Variants in CYP8B1 observed in about 807,000 individuals in gnomAD.
CYP8B1 encodes 7-alpha-hydroxycholest-4-en-3-one 12-alpha-hydroxylase.
For synonymous variants in CYP8B1, 221 were observed against 251.2 expected (o/e 0.88, Z 1.14); for missense variants, 594 against 643.7 (o/e 0.92, Z 0.84).
Position 42,874,406 on chromosome 3 carries a change from G to C in CYP8B1, c.1411C>G (p.Pro471Ala). 1.2e-6 allele frequency: 2 copies of C among 1,614,136 alleles called. No homozygotes were observed. The highest frequency in any genetic ancestry group is 1.7e-6 in the Non-Finnish European group (2 of 1,180,012). ...CGCTGCGGGTCAACATGGGGTAGTG[G>C]TGTGTCAGGGTCCACCAACTCTAAG... ...FDLELVDPDT[P>A]LPHVDPQRWG... Residue 471 changes from proline (P) to alanine (A), a missense_variant, in exon 1 of 1, where the codon CCA (proline) becomes GCA (alanine). Pro to Ala is a conservative substitution (Grantham distance 27). Transcript: ENST00000316161.
In CYP8B1 at chr3:42,874,172, C is replaced by T; in HGVS notation, c.*139G>A. ...TGACTAGGCGGGGAGAGAGCGAGGA[C>T]AGGCAGAACAGAGGTAGGGGGTGCC... is the stretch of plus-strand genomic sequence containing the variant. On this transcript the variant is annotated 3_prime_UTR_variant, in exon 1 of 1. Coordinates refer to ENST00000316161, the MANE Select transcript of CYP8B1 (RefSeq NM_004391.3). 1.5e-6 allele frequency: 1 copy of T among 660,410 alleles called. No individual in the cohort carries two copies. Among genetic ancestry groups the T allele is most frequent in the Non-Finnish European group, 2.6e-6 (1 of 389,066 alleles). The allele number at this position is 660,410 out of a possible 1,614,324, so 40.9% of individuals were successfully genotyped here.
At position 42,874,354 on chromosome 3, in the gene CYP8B1, C is replaced by T. The variant is rs372472190; in HGVS notation, c.1463G>A (p.Ser488Asn). The T allele has an allele frequency of 4.2e-5, 67 of 1,614,090 alleles. No homozygotes were observed. In the East Asian group the frequency reaches 7.8e-4, roughly 19 times the overall value. The change falls in exon 1 of 1, where the codon AGC becomes AAC. Residue 488 changes from serine to asparagine, a missense_variant. By Grantham distance (46) the Ser-to-Asn change is conservative. Coordinates refer to ENST00000316161, the MANE Select transcript of CYP8B1 (RefSeq NM_004391.3). ...GCGGTAGCGGAAGCGCACATCGTGGCTGGGCTGCATGGTGCCAAAACCCCA... is the reference window on the plus strand; with the variant it reads ...GCGGTAGCGGAAGCGCACATCGTGGTTGGGCTGCATGGTGCCAAAACCCCA... ...QRWGFGTMQP[S>N]HDVRFRYRLH... is the part of the protein sequence containing the mutation.
At position 42,873,049 on chromosome 3, in the gene CYP8B1, G is replaced by A. The variant is rs531800757; in HGVS notation, c.*1262C>T. Reference sequence around the variant, plus strand: ...GTTGACAGCACCCTGAGGTGGGGGAGACATGGGCACTGAGGAGGGATCTTG... The same window carrying A: ...GTTGACAGCACCCTGAGGTGGGGGAAACATGGGCACTGAGGAGGGATCTTG... On this transcript the variant is annotated 3_prime_UTR_variant, in exon 1 of 1. Transcript: ENST00000316161. The A allele has an allele frequency of 6.6e-6, 1 of 152,320 alleles. No individual in the cohort carries two copies. The highest frequency in any genetic ancestry group is 2.4e-5 in the African/African-American group (1 of 41,554). 9.4% of individuals were successfully genotyped at this position (152,320 alleles called of 1,614,324 possible).
Position 42,875,106 on chromosome 3 carries a change from G to C in CYP8B1, c.711C>G (p.His237Gln), listed in dbSNP as rs748451545. The change falls in exon 1 of 1, where the codon CAC becomes CAG. Residue 237 changes from histidine to glutamine, a missense_variant. Physicochemically the swap from His to Gln is conservative, Grantham distance 24. Transcript: ENST00000316161. ...LEVGRLQRLF[H>Q]KMLSVSHSQE... ...GGCTGTGGCTCACGGAGAGCATCTTGTGAAAGAGACGCTGGAGTCGGCCCA... is the reference window on the plus strand; with the variant it reads ...GGCTGTGGCTCACGGAGAGCATCTTCTGAAAGAGACGCTGGAGTCGGCCCA... 6.2e-7 allele frequency: 1 copy of C among 1,613,630 alleles called. No individual in the cohort carries two copies. The highest frequency in any genetic ancestry group is 1.7e-5 in the Admixed American group (1 of 60,012).
chr3:42,873,301 A>G lies in CYP8B1; in HGVS notation c.*1010T>C, dbSNP rs1405460963. The stretch of plus-strand genomic sequence containing the variant: ...GAGGCAGAGGTTGTAGTGAGCCAAG[A>G]TCACACCACTGCACTGCAGCCTGGG... On this transcript the variant is annotated 3_prime_UTR_variant, in exon 1 of 1. Coordinates refer to ENST00000316161, the MANE Select transcript of CYP8B1 (RefSeq NM_004391.3). 2 of 151,922 alleles carry G rather than the reference A, an allele frequency of 1.3e-5. No individual in the cohort carries two copies. Among genetic ancestry groups the G allele is most frequent in the African/African-American group, 4.8e-5 (2 of 41,256 alleles). 9.4% of individuals were successfully genotyped at this position (151,922 alleles called of 1,614,324 possible).
chr3:42,874,777 G>A lies in CYP8B1; in HGVS notation c.1040C>T (p.Thr347Met), dbSNP rs765149827. The A allele has an allele frequency of 1.5e-5, 25 of 1,613,984 alleles. No individual in the cohort carries two copies. Among genetic ancestry groups the A allele is most frequent in the African/African-American group, 5.3e-5 (4 of 74,896 alleles). ...TPVLDSVVEE[T>M]LRLRAAPTLL... ...GGTGGGTGCAGCCCTCAGCCGCAGC[G>A]TCTCCTCCACCACGCTGTCTAGAAC... Residue 347 changes from threonine (T) to methionine (M), a missense_variant, in exon 1 of 1, where the codon ACG becomes ATG. Physicochemically the swap from Thr to Met is moderately conservative, Grantham distance 81. Transcript: ENST00000316161.
Position 42,875,275 on chromosome 3 carries a change from C to T in CYP8B1, c.542G>A (p.Gly181Asp), listed in dbSNP as rs1419738572. The T allele has an allele frequency of 5.0e-6, 8 of 1,602,752 alleles. No homozygotes were observed. The highest frequency in any genetic ancestry group is 5.1e-6 in the Non-Finnish European group (6 of 1,172,848). ...RFCYYILFTA[G>D]YLSLFGYTKD... The stretch of plus-strand genomic sequence containing the variant: ...CGTGTAGCCGAACAAGCTCAGGTAG[C>T]CAGCTGTGAACAAGATGTAATAGCA... The change falls in exon 1 of 1, where the codon GGC (glycine) becomes GAC (aspartate). Residue 181 changes from glycine (G) to aspartate (D), a missense_variant. Coordinates refer to ENST00000316161, the MANE Select transcript of CYP8B1 (RefSeq NM_004391.3).
rs1490114698 is a variant in CYP8B1 at position 42,874,751 on chromosome 3, G to T, written c.1066C>A (p.Leu356Ile). The T allele has an allele frequency of 6.2e-7, 1 of 1,614,006 alleles. No homozygotes were observed. The highest frequency in any genetic ancestry group is 8.5e-7 in the Non-Finnish European group (1 of 1,180,030). The change falls in exon 1 of 1, where the codon CTC (leucine) becomes ATC (isoleucine). Residue 356 changes from leucine to isoleucine, a missense_variant. Coordinates refer to ENST00000316161, the MANE Select transcript of CYP8B1 (RefSeq NM_004391.3). ...TAGTCTTCATGAACCAACCTGAGGA[G>T]GGTGGGTGCAGCCCTCAGCCGCAGC... ...ETLRLRAAPT[L>I]LRLVHEDYTL... is the part of the protein sequence containing the mutation.
Position 42,873,928 on chromosome 3 carries a change from G to T in CYP8B1, c.*383C>A. On this transcript the variant is annotated 3_prime_UTR_variant, in exon 1 of 1. Transcript: ENST00000316161. The stretch of plus-strand genomic sequence containing the variant: ...GATAAGTGTTGCTGAAAAAACTAAA[G>T]CAAGCTGGGAGAGTGGAGGCTGATG... 4.4e-6 allele frequency: 1 copy of T among 226,124 alleles called. No homozygotes were observed. Among genetic ancestry groups the T allele is most frequent in the Non-Finnish European group, 8.7e-6 (1 of 114,990 alleles). The allele number at this position is 226,124 out of a possible 1,614,324, so 14.0% of individuals were successfully genotyped here.
In CYP8B1 at chr3:42,874,308, A is replaced by G. The variant is rs769947294; in HGVS notation, c.*3T>C. ...GCCAGGTTTGCAGCTGGCTTGGCCA[A>G]GCTCACTCTGTAGGATGCAGGCGGT... is the stretch of plus-strand genomic sequence containing the variant. On this transcript the variant is annotated 3_prime_UTR_variant, in exon 1 of 1. Transcript: ENST00000316161. The G allele has an allele frequency of 1.8e-5, 29 of 1,612,764 alleles. No individual in the cohort carries two copies. The highest frequency in any genetic ancestry group is 2.5e-5 in the Non-Finnish European group (29 of 1,179,398).
At position 42,875,015 on chromosome 3, in the gene CYP8B1, G is replaced by A; in HGVS notation, c.802C>T (p.Pro268Ser). Reference protein sequence around the residue: ...MLQFLREQGVPSAMQDKFNFM... With the variant: ...MLQFLREQGVSSAMQDKFNFM... ...TTGAACTTGTCCTGCATAGCTGAGG[G>A]TACCCCCTGCTCCCTCAGAAACTGA... Residue 268 changes from proline to serine, a missense_variant, in exon 1 of 1, where the codon CCC (proline) becomes TCC (serine). Coordinates refer to ENST00000316161, the MANE Select transcript of CYP8B1 (RefSeq NM_004391.3). The A allele has an allele frequency of 7.4e-6, 12 of 1,613,838 alleles. No individual in the cohort carries two copies. The highest frequency in any genetic ancestry group is 1.0e-5 in the Non-Finnish European group (12 of 1,180,012).
rs201181314 is a variant in CYP8B1, at chr3:42,875,668, C to T, written c.149G>A (p.Arg50Gln). 2.0e-5 allele frequency: 30 copies of T among 1,492,314 alleles called. No homozygotes were observed. Among genetic ancestry groups the T allele is most frequent in the Middle Eastern group, 1.8e-4 (1 of 5,588 alleles). The allele number at this position is 1,492,314 out of a possible 1,614,324, so 92.4% of individuals were successfully genotyped here. The change falls in exon 1 of 1, where the codon CGG becomes CAG. Residue 50 changes from arginine to glutamine, a missense_variant. By Grantham distance (43) the Arg-to-Gln change is conservative. Coordinates refer to ENST00000316161, the MANE Select transcript of CYP8B1 (RefSeq NM_004391.3). ...VPWLGHAMAF[R>Q]KNMFEFLKRM... ...CTTCAGAAATTCAAACATATTCTTCCGGAAAGCCATGGCATGGCCAAGCCA... is the reference window on the plus strand; with the variant it reads ...CTTCAGAAATTCAAACATATTCTTCTGGAAAGCCATGGCATGGCCAAGCCA...
rs376808261 is a variant in CYP8B1, at chr3:42,874,347, A to T, written c.1470T>A (p.Asp490Glu). Reference sequence around the variant, plus strand: ...GATGCAGGCGGTAGCGGAAGCGCACATCGTGGCTGGGCTGCATGGTGCCAA... The same window carrying T: ...GATGCAGGCGGTAGCGGAAGCGCACTTCGTGGCTGGGCTGCATGGTGCCAA... ...WGFGTMQPSH[D>E]VRFRYRLHPT... Residue 490 changes from aspartate (D) to glutamate (E), a missense_variant, in exon 1 of 1, where the codon GAT (aspartate) becomes GAA (glutamate). Coordinates refer to ENST00000316161, the MANE Select transcript of CYP8B1 (RefSeq NM_004391.3). 1.9e-6 allele frequency: 3 copies of T among 1,613,984 alleles called. No homozygotes were observed. Among genetic ancestry groups the T allele is most frequent in the Non-Finnish European group, 1.7e-6 (2 of 1,179,992 alleles).
In CYP8B1 at chr3:42,874,616, T is replaced by G. The variant is rs1463352404; in HGVS notation, c.1201A>C (p.Thr401Pro). ...AGGAAGCGATCGTACTTGAAGACGG[T>G]GGGCTCAGGGTGGATGTCAGGGTCC... ...HMDPDIHPEP[T>P]VFKYDRFLNP... is the part of the protein sequence containing the mutation. Residue 401 changes from threonine to proline, a missense_variant, in exon 1 of 1, where the codon ACC becomes CCC. Physicochemically the swap from Thr to Pro is conservative, Grantham distance 38. Coordinates refer to ENST00000316161, the MANE Select transcript of CYP8B1 (RefSeq NM_004391.3). 1 of 1,613,960 alleles carries G rather than the reference T, an allele frequency of 6.2e-7. No homozygotes were observed. Among genetic ancestry groups the G allele is most frequent in the Non-Finnish European group, 8.5e-7 (1 of 1,180,000 alleles).
Position 42,875,501 on chromosome 3 carries a change from GT to G in CYP8B1, c.315del (p.Lys105AsnfsTer4). On this transcript the variant is annotated frameshift_variant, in exon 1 of 1. Transcript: ENST00000316161. LOFTEE classifies it low-confidence loss of function (END_TRUNC). ...CGGTATCCAAATACCTTCAGCACCA[GT>G]TTTTTTGCATATTGCCCAAAGTCTA... ...RKLDFGQYAK[K>X]LVLKVFGYRS... The G allele has an allele frequency of 6.4e-7, 1 of 1,552,384 alleles. No homozygotes were observed. Among genetic ancestry groups the G allele is most frequent in the Non-Finnish European group, 8.7e-7 (1 of 1,147,112 alleles).
At position 42,875,238 on chromosome 3, in the gene CYP8B1, C is replaced by T; in HGVS notation, c.579G>A (p.Glu193=). The stretch of plus-strand genomic sequence containing the variant: ...ACTCTCCTGCCTGTAGCAGGTCCTG[C>T]TCCTTGTCCTTCGTGTAGCCGAACA... ...LSLFGYTKDK[E]QDLLQAGELF... The change falls in exon 1 of 1, where the codon GAG becomes GAA. Residue 193 remains glutamate (E), a synonymous_variant. Transcript: ENST00000316161. 1 of 1,592,076 alleles carries T rather than the reference C, an allele frequency of 6.3e-7. No individual in the cohort carries two copies. The highest frequency in any genetic ancestry group is 1.3e-5 in the African/African-American group (1 of 74,588).
Position 42,874,580 on chromosome 3 carries a change from C to T in CYP8B1, c.1237G>A (p.Gly413Ser). The change falls in exon 1 of 1, where the codon GGC becomes AGC. Residue 413 changes from glycine (G) to serine (S), a missense_variant. Gly to Ser is a moderately conservative substitution (Grantham distance 56). Coordinates refer to ENST00000316161, the MANE Select transcript of CYP8B1 (RefSeq NM_004391.3). ...FKYDRFLNPN[G>S]SRKVDFFKTG... ...TTGAAGAAGTCCACTTTCCGGCTGC[C>T]ATTAGGGTTGAGGAAGCGATCGTAC... 6.2e-7 allele frequency: 1 copy of T among 1,614,008 alleles called. No homozygotes were observed. The highest frequency in any genetic ancestry group is 1.7e-5 in the Admixed American group (1 of 60,008).
Position 42,875,343 on chromosome 3 carries a change from A to T in CYP8B1, c.474T>A (p.Ser158Arg), listed in dbSNP as rs369981775. The change falls in exon 1 of 1, where the codon AGT becomes AGA. Residue 158 changes from serine to arginine, a missense_variant. Transcript: ENST00000316161. ...CCTCATGCCAGCAACTGGCATCCAGACTCCAGCCTTTGGACGTCAGCATTA... is the reference window on the plus strand; with the variant it reads ...CCTCATGCCAGCAACTGGCATCCAGTCTCCAGCCTTTGGACGTCAGCATTA... ...SFVMLTSKGW[S>R]LDASCWHEDS... The T allele has an allele frequency of 1.9e-6, 3 of 1,613,696 alleles. No homozygotes were observed. The Admixed American group carries it at 5.0e-5, about 27-fold the overall frequency.
rs1431150331 is a variant in CYP8B1 at position 42,872,359 on chromosome 3, A to G, written c.*1952T>C. ...GCTATGATACAAATGGTGCTGCAGG[A>G]GCTGCACAGTTCGGAGGCCATTTCT... On this transcript the variant is annotated 3_prime_UTR_variant, in exon 1 of 1. Coordinates refer to ENST00000316161, the MANE Select transcript of CYP8B1 (RefSeq NM_004391.3). The G allele has an allele frequency of 2.0e-5, 3 of 152,322 alleles. No individual in the cohort carries two copies. The highest frequency in any genetic ancestry group is 7.2e-5 in the African/African-American group (3 of 41,468). The allele number at this position is 152,322 out of a possible 1,614,324, so 9.4% of individuals were successfully genotyped here.
Sources: allele counts gnomAD v4.1 joint callset, GRCh38; gene constraint gnomAD v4.1.1; transcripts MANE v1.5; gene names NCBI Gene and HGNC (gene_info 2026-07-23, HGNC 2026-07-21).